ROBO2: variants seen among roughly 807,000 people sequenced by gnomAD.
The protein encoded by ROBO2 is roundabout guidance receptor 2, also known as roundabout homolog 2.
Under a neutral mutation model 160.8 loss-of-function variants are expected in ROBO2, and 53 were observed. The observed-to-expected ratio is 0.33, with a 90% CI of 0.26 to 0.41. The LOEUF is 0.41. Ranked by LOEUF, ROBO2 falls within the 10% of genes least tolerant of loss-of-function variation. ROBO2 has a pLI of 1.00. For missense variants in ROBO2, 1,577 were observed against 1,722.4 expected, an observed-to-expected ratio of 0.92 and a Z score of 1.49; for synonymous variants, 664 against 611.7, an observed-to-expected ratio of 1.09 and a Z score of -1.26.
intron 2 of ROBO2, among the ~76,000 whole-genome samples, chr3:77,011,949 A>T (rs2061947862): frequency 6.6e-6 from 1 of 152,120 alleles, no homozygotes; most frequent in Non-Finnish European, 1.5e-5. Flanking sequence ...AAACAAATTT[A>T]TGTAGGCTTG....
chr3:77,586,981 G>A (rs556636998), intron 16 of ROBO2, among the ~76,000 whole-genome samples: 5 of 151,720 alleles, frequency 3.3e-5, no homozygotes, highest in Admixed American at 2.0e-4. Context: ...TTTCAGGAAT[G>A]GATTATAAGT....
At chr3:76,219,029 C>G (rs926450634) in intron 2 of ROBO2, among the ~76,000 whole-genome samples, 14 of 152,174 alleles carry the variant, frequency 9.2e-5, no homozygotes, top group Non-Finnish European at 1.5e-4. Context: ...ACTATCTGGT[C>G]TTTGACAAAC....
At chr3:76,699,929 AG>A (rs1224073343) in intron 2 of ROBO2, among the ~76,000 whole-genome samples, 11 of 152,056 alleles carry the variant, frequency 7.2e-5, no homozygotes, top group Admixed American at 2.6e-4. Context: ...TCTCCTGTTG[AG>A]GCACAGAGCA....
chr3:77,166,557 T>TTTTG (rs558460197), intron 2 of ROBO2, among the ~76,000 whole-genome samples: 1,672 of 152,212 alleles, frequency 0.011, 15 homozygotes, highest in Middle Eastern at 0.017. Context: ...GAAGTGTTTT[T>TTTTG]TTTGTTTGTT....
rs865990543 is a variant in ROBO2, at chr3:77,512,316, G to A, written c.807-10459G>A. On this transcript the variant is annotated intron_variant, in intron 5 of 25. Coordinates refer to ENST00000461745, the Ensembl canonical transcript of ROBO2. ...TATTACTTGAAAAATTGTGAATGGAGAGAGCATTTTAGAAAAATTGAGCAA... is the reference window on the plus strand; with the variant it reads ...TATTACTTGAAAAATTGTGAATGGAAAGAGCATTTTAGAAAAATTGAGCAA... Among the ~76,000 whole-genome samples, 52 of 151,954 alleles carry A rather than the reference G, an allele frequency of 3.4e-4. No individual in the cohort carries two copies. In the Middle Eastern group the frequency reaches 0.013, roughly 37 times the overall value.
chr3:76,558,773 T>A (rs2108465326), intron 2 of ROBO2, among the ~76,000 whole-genome samples: 1 of 152,248 alleles, frequency 6.6e-6, no homozygotes, highest in African/African-American at 2.4e-5. Flanking sequence ...CAATCGTTAG[T>A]ATTACATAGA....
intron 2 of ROBO2, among the ~76,000 whole-genome samples, chr3:77,453,208 GGATATCTT>G (rs2081294147): frequency 2.6e-5 from 4 of 152,036 alleles, no homozygotes. Context: ...AATAAAAATA[GGATATCTT>G]CTCCATCAAT....
intron 2 of ROBO2, among the ~76,000 whole-genome samples, chr3:77,426,285 G>C (rs2078198835): frequency 6.6e-6 from 1 of 152,078 alleles, no homozygotes; most frequent in Non-Finnish European, 1.5e-5. Context: ...GAATCGATGG[G>C]TTTCTAACTT....
chr3:77,233,325 T>A (rs2087484414), intron 2 of ROBO2, among the ~76,000 whole-genome samples: 2 of 152,270 alleles, frequency 1.3e-5, no homozygotes, highest in South Asian at 4.1e-4. Flanking sequence ...CCCCCTCCAC[T>A]TTTTTTATTT....
intron 2 of ROBO2, among the ~76,000 whole-genome samples, chr3:76,332,334 A>G (rs1196961687): frequency 6.6e-6 from 1 of 152,184 alleles, no homozygotes; most frequent in African/African-American, 2.4e-5. Flanking sequence ...TTAGGGCCAA[A>G]TTTAGTACCC....
chr3:77,533,281 G>C lies in ROBO2; in HGVS notation c.934+10379G>C, dbSNP rs2153636452. 2.6e-5 allele frequency among the ~76,000 whole-genome samples: 4 copies of C among 152,060 alleles called. No individual in the cohort carries two copies. The South Asian group carries it at 8.3e-4, about 32-fold the overall frequency. ...CTCCTCATCCTCCTTTATACTCCCT[G>C]CTTCATAATAAGGATGGTTTTCAGG... On this transcript the variant is annotated intron_variant, in intron 6 of 25. Coordinates refer to ENST00000461745, the Ensembl canonical transcript of ROBO2.
chr3:76,400,232 T>G (rs1180794263), intron 2 of ROBO2, among the ~76,000 whole-genome samples: 1 of 151,586 alleles, frequency 6.6e-6, no homozygotes, highest in African/African-American at 2.4e-5. Context: ...TCTAGACACT[T>G]ATTGAATTGG....
At chr3:76,969,210 A>G (rs2059451311) in intron 2 of ROBO2, among the ~76,000 whole-genome samples, 1 of 152,228 alleles carries the variant, frequency 6.6e-6, no homozygotes, top group Non-Finnish European at 1.5e-5. Flanking sequence ...TTTTAGAATC[A>G]ATACAGTAAA....
chr3:77,305,749 G>C (rs1348913119), intron 2 of ROBO2, among the ~76,000 whole-genome samples: 6 of 152,092 alleles, frequency 3.9e-5, no homozygotes, highest in Non-Finnish European at 7.4e-5. Flanking sequence ...AAAAATCTTT[G>C]AATTTTGAAA....
intron 22 of ROBO2, among the ~76,000 whole-genome samples, chr3:77,618,724 G>A (rs1012970237): frequency 1.3e-4 from 20 of 152,172 alleles, no homozygotes; most frequent in Middle Eastern, 3.4e-3. Flanking sequence ...CATAGAAAGA[G>A]ATACCAAAAG....
At chr3:77,437,044 A>G (rs2079364981) in intron 2 of ROBO2, among the ~76,000 whole-genome samples, 1 of 151,950 alleles carries the variant, frequency 6.6e-6, no homozygotes, top group African/African-American at 2.4e-5. Context: ...AAATATGACA[A>G]ATGGAATTCA....
intron 2 of ROBO2, among the ~76,000 whole-genome samples, chr3:76,969,744 G>A (rs958606936): frequency 2.0e-5 from 3 of 151,936 alleles, no homozygotes; most frequent in Non-Finnish European, 2.9e-5. Flanking sequence ...GTGCTTTGGA[G>A]GTATAACAAA....
chr3:76,009,018 C>G (rs1468900400), intron 2 of ROBO2, among the ~76,000 whole-genome samples: 1 of 152,132 alleles, frequency 6.6e-6, no homozygotes, highest in Non-Finnish European at 1.5e-5. Context: ...ATATTACTTT[C>G]TGCATCCCAG....
At chr3:76,045,439 A>T (rs2067416925) in intron 2 of ROBO2, among the ~76,000 whole-genome samples, 2 of 152,138 alleles carry the variant, frequency 1.3e-5, no homozygotes, top group Non-Finnish European at 2.9e-5. Context: ...GCCAGACCAG[A>T]TCTGAAACAC....
Sources: allele counts gnomAD v4.1 joint callset (sites outside exome capture counted in the v4.1 genomes callset), GRCh38; gene constraint gnomAD v4.1.1; transcripts MANE v1.5; gene names NCBI Gene and HGNC (gene_info 2026-07-23, HGNC 2026-07-21).